The following GMFB variants were observed in gnomAD, a reference collection of about 807,000 sequenced individuals.
The protein encoded by GMFB is glia maturation factor beta, also known as GMF-beta.
Under a neutral mutation model 25.6 loss-of-function variants are expected in GMFB, and 13 were observed. The ratio of observed to expected loss-of-function variants is 0.51; its 90% confidence interval spans 0.33 to 0.81. The LOEUF (loss-of-function observed/expected upper bound fraction) is 0.81, where lower values mean the gene tolerates loss of function less well. Ranked by LOEUF, GMFB falls within the 30% of genes least tolerant of loss-of-function variation. The pLI, the probability that GMFB is intolerant of heterozygous loss-of-function variation, is 0.02. For synonymous variants in GMFB, 57 were observed against 56.9 expected, an observed-to-expected ratio of 1.00 and a Z score of 0.00; for missense variants, 146 against 175.4, an observed-to-expected ratio of 0.83 and a Z score of 0.95.
intron 5 of GMFB, 90 bp downstream of exon 5, chr14:54,480,784 C>A: frequency 1.4e-6 from 1 of 701,300 alleles, no homozygotes; most frequent in Non-Finnish European, 2.6e-6. Context: ...CAACAATGTT[C>A]ATCTTTAAAA....
chr14:54,484,392 A>G (rs1218958496), intron 1 of GMFB, among the ~76,000 whole-genome samples: 4 of 152,142 alleles, frequency 2.6e-5, no homozygotes, highest in Non-Finnish European at 2.9e-5. Context: ...ACAGAAATAC[A>G]AAGAATCATT....
chr14:54,481,533 T>C, intron 3 of GMFB, 75 bp from the exon 4 acceptor site: 1 of 883,582 alleles, frequency 1.1e-6, no homozygotes, highest in Non-Finnish European at 1.9e-6. Context: ...CAAGCACCCA[T>C]TCTACTAACA....
At position 54,478,115 on chromosome 14, in the gene GMFB, T is replaced by A; in HGVS notation, c.402A>T (p.Leu134Phe). The A allele has an allele frequency of 6.8e-7, 1 of 1,465,124 alleles. No homozygotes were observed. The highest frequency in any genetic ancestry group is 9.2e-7 in the Non-Finnish European group (1 of 1,082,572). The allele number at this position is 1,465,124 out of a possible 1,614,324, so 90.8% of individuals were successfully genotyped here. ...AGTGAAAAAATCCAAGTTTCTCACG[T>A]AACCATTCTTCAGTTAGGTCTTCGG... is the stretch of plus-strand genomic sequence containing the variant. ...RNTEDLTEEW[L>F]REKLGFFH The change falls in exon 7 of 7, where the codon TTA becomes TTT. Residue 134 changes from leucine (L) to phenylalanine (F), a missense_variant. Physicochemically the swap from Leu to Phe is conservative, Grantham distance 22. Coordinates refer to ENST00000358056, the MANE Select transcript of GMFB (RefSeq NM_004124.3).
At chr14:54,480,052 C>T (rs2031690812) in intron 5 of GMFB, 193 bp from the exon 6 acceptor site, 1 of 474,864 alleles carries the variant, frequency 2.1e-6, no homozygotes, top group Non-Finnish European at 3.7e-6. Context: ...TATAAATAAA[C>T]AAGAACAAGT....
chr14:54,479,723 G>A, intron 6 of GMFB, 63 bp downstream of exon 6: 1 of 920,452 alleles, frequency 1.1e-6, no homozygotes, highest in Non-Finnish European at 1.8e-6. Flanking sequence ...GACTATTTTA[G>A]CTATTGCTTT....
chr14:54,483,908 TAAAA>T lies in GMFB; in HGVS notation c.4-145_4-142del, dbSNP rs757054909. The T allele has an allele frequency of 4.0e-5, 28 of 705,826 alleles. No homozygotes were observed. The African/African-American group carries it at 4.2e-4, about 11-fold the overall frequency. 43.7% of individuals were successfully genotyped at this position (705,826 alleles called of 1,614,324 possible). A position where few individuals can be genotyped will look rare whatever the true frequency, so the allele number is the denominator to read the frequency against. ...TGAAAGCATTAAATACATGAACACT[TAAAA>T]GAACTTTAAAATCAACCAACCTTTG... On this transcript the variant is annotated intron_variant, in intron 1 of 6. Coordinates refer to ENST00000358056, the MANE Select transcript of GMFB (RefSeq NM_004124.3).
At position 54,480,877 on chromosome 14, in the gene GMFB, C is replaced by T; in HGVS notation, c.280G>A (p.Val94Ile). Residue 94 changes from valine to isoleucine, a missense_variant, in exon 5 of 7, where the codon GTT becomes ATT. Val to Ile is a conservative substitution (Grantham distance 29, BLOSUM62 3). Transcript: ENST00000358056. Reference protein sequence around the residue: ...YPLCFIFSSPVGCKPEQQMMY... With the variant: ...YPLCFIFSSPIGCKPEQQMMY... ...TTATTTAAAGAAATTCACTTACCAACAGGACTGGAGAAAATAAAGCACAGA... is the reference window on the plus strand; with the variant it reads ...TTATTTAAAGAAATTCACTTACCAATAGGACTGGAGAAAATAAAGCACAGA... 1.4e-6 allele frequency: 2 copies of T among 1,465,620 alleles called. No homozygotes were observed. Among genetic ancestry groups the T allele is most frequent in the African/African-American group, 1.4e-5 (1 of 71,036 alleles). The allele number at this position is 1,465,620 out of a possible 1,614,324, so 90.8% of individuals were successfully genotyped here.
At chr14:54,480,784 C>T (rs988581719) in intron 5 of GMFB, 90 bp downstream of exon 5, 66 of 701,184 alleles carry the variant, frequency 9.4e-5, no homozygotes, top group Non-Finnish European at 1.7e-4. Context: ...CAACAATGTT[C>T]ATCTTTAAAA....
Position 54,487,448 on chromosome 14 carries a change from C to A in GMFB, c.3+1477G>T, listed in dbSNP as rs552480759. Among the ~76,000 whole-genome samples, 24 of 152,220 alleles carry A rather than the reference C, an allele frequency of 1.6e-4. No homozygotes were observed. In the South Asian group the frequency reaches 3.5e-3, roughly 22 times the overall value. On this transcript the variant is annotated intron_variant, in intron 1 of 6. Transcript: ENST00000358056. ...TACTCGGGAGGCTGAGGCGGGAGAA[C>A]GAACGGCGTGAACCAGGGAGGCGGA...
chr14:54,482,248 C>T (rs1403414752), intron 2 of GMFB, 46 bp from the exon 3 acceptor site: 19 of 1,199,872 alleles, frequency 1.6e-5, no homozygotes, highest in Non-Finnish European at 2.4e-5. Context: ...CTAATGTGAC[C>T]CTGATCTGCC....
chr14:54,479,901 G>T, intron 5 of GMFB, 42 bp from the exon 6 acceptor site: 1 of 1,134,248 alleles, frequency 8.8e-7, no homozygotes, highest in South Asian at 1.3e-5. Flanking sequence ...CACAGATTTT[G>T]AGAAAGGTAT....
At position 54,482,124 on chromosome 14, in the gene GMFB, T is replaced by C. The variant is rs760353716; in HGVS notation, c.150+29A>G. The C allele has an allele frequency of 2.8e-6, 4 of 1,408,110 alleles. No homozygotes were observed. The African/African-American group carries it at 5.6e-5, about 20-fold the overall frequency. 87.2% of individuals were successfully genotyped at this position (1,408,110 alleles called of 1,614,324 possible). ...TTGAGAAATAATAATTACTTAACTA[T>C]AAAATTGTATTTAGTTCATTGAACA... On this transcript the variant is annotated intron_variant, in intron 3 of 6. Transcript: ENST00000358056.
At chr14:54,483,446 C>G (rs2031740249) in intron 2 of GMFB, 2 of 513,368 alleles carry the variant, frequency 3.9e-6, no homozygotes, top group Middle Eastern at 5.3e-4. Context: ...CAGAGCTGTA[C>G]AGGCAGCTGA....
chr14:54,474,960 A>G lies in GMFB; in HGVS notation c.*3128T>C, dbSNP rs1028897495. On this transcript the variant is annotated 3_prime_UTR_variant, in exon 7 of 7. Coordinates refer to ENST00000358056, the MANE Select transcript of GMFB (RefSeq NM_004124.3). ...CAGAAATACAAAATAAGATTTGTCC[A>G]GAAATGTTTGAAACACATCCTCACA... 1 of 152,622 alleles carries G rather than the reference A, an allele frequency of 6.6e-6. No homozygotes were observed. The highest frequency in any genetic ancestry group is 1.5e-5 in the Non-Finnish European group (1 of 68,012). 9.5% of individuals were successfully genotyped at this position (152,622 alleles called of 1,614,324 possible). A position where few individuals can be genotyped will look rare whatever the true frequency, so the allele number is the denominator to read the frequency against.
intron 1 of GMFB, 89 bp downstream of exon 1, chr14:54,488,836 G>T: frequency 3.5e-6 from 4 of 1,146,300 alleles, no homozygotes; most frequent in Non-Finnish European, 4.9e-6. Context: ...CCTGGGCGCT[G>T]CCCGCCGCCG....
At chr14:54,486,960 A>T (rs1057152992) in intron 1 of GMFB, among the ~76,000 whole-genome samples, 4 of 152,162 alleles carry the variant, frequency 2.6e-5, no homozygotes, top group Non-Finnish European at 5.9e-5. Flanking sequence ...GGTATAACAG[A>T]TTGTCTTGTA....
chr14:54,481,367 A>T (rs1316087221), intron 4 of GMFB, 42 bp downstream of exon 4: 4 of 1,326,574 alleles, frequency 3.0e-6, no homozygotes, highest in Non-Finnish European at 4.4e-6. Flanking sequence ...AGGTCTGACC[A>T]CTAAAGAAAA....
At chr14:54,487,262 T>C (rs2031798229) in intron 1 of GMFB, among the ~76,000 whole-genome samples, 1 of 149,584 alleles carries the variant, frequency 6.7e-6, no homozygotes, top group Non-Finnish European at 1.5e-5. Context: ...CCGGGCGCGG[T>C]GGCTCACGCC....
intron 1 of GMFB, 174 bp from the exon 2 acceptor site, chr14:54,483,941 C>G: frequency 1.5e-6 from 1 of 689,438 alleles, no homozygotes; most frequent in Non-Finnish European, 2.7e-6. Context: ...ACCTTTGGAT[C>G]TACATTGCTT....
Sources: gnomAD v4.1 joint callset for allele counts (sites outside exome capture counted in the v4.1 genomes callset) on GRCh38, gnomAD v4.1.1 for gene constraint, MANE v1.5 for transcripts, NCBI Gene and HGNC (gene_info 2026-07-23, HGNC 2026-07-21) for gene names.